The following DPYD variants were observed in gnomAD, a reference collection of about 807,000 sequenced individuals.
The protein encoded by DPYD is dihydropyrimidine dehydrogenase.
DPYD carries 109 observed loss-of-function variants against 116.2 expected under a neutral mutation model. The observed-to-expected ratio is 0.94, with a 90% CI of 0.80 to 1.10. DPYD has a LOEUF of 1.10. DPYD is among the 50% of genes least tolerant of loss of function. The pLI, the probability that DPYD is intolerant of heterozygous loss-of-function variation, is 0.00. For missense variants in DPYD, 1,302 were observed against 1,254.5 expected, an observed-to-expected ratio of 1.04 and a Z score of -0.57; for synonymous variants, 440 against 432.0, an observed-to-expected ratio of 1.02 and a Z score of -0.23.
At chr1:97,610,967 T>TTG (rs913526977) in intron 8 of DPYD, among the ~76,000 whole-genome samples, 4 of 150,322 alleles carry the variant, frequency 2.7e-5, no homozygotes, top group East Asian at 3.9e-4. Context: ...ATCGGTGTGT[T>TTG]TGTGTGTGTG....
chr1:97,250,181 A>C (rs916340698), intron 18 of DPYD, among the ~76,000 whole-genome samples: 2 of 152,180 alleles, frequency 1.3e-5, no homozygotes, highest in African/African-American at 4.8e-5. Context: ...GAGGCAGGAG[A>C]ATCGCGTGAA....
chr1:97,302,733 A>G (rs1338981004), intron 18 of DPYD, among the ~76,000 whole-genome samples: 2 of 152,018 alleles, frequency 1.3e-5, no homozygotes, highest in East Asian at 3.9e-4. Flanking sequence ...AGTGTATATT[A>G]TGTGTATAAC....
intron 20 of DPYD, among the ~76,000 whole-genome samples, chr1:97,131,312 A>C (rs2101669769): frequency 6.6e-6 from 1 of 152,310 alleles, no homozygotes; most frequent in South Asian, 2.1e-4. Context: ...AAAGTGAGGT[A>C]ATGTGTGGTA....
At chr1:97,096,293 A>T (rs1350406495) in intron 21 of DPYD, among the ~76,000 whole-genome samples, 6 of 152,102 alleles carry the variant, frequency 3.9e-5, no homozygotes, top group African/African-American at 1.4e-4. Context: ...TTAATATACA[A>T]TCTCTGAAAG....
chr1:97,161,775 T>C (rs1214732726), intron 20 of DPYD, among the ~76,000 whole-genome samples: 1 of 132,034 alleles, frequency 7.6e-6, no homozygotes, highest in Non-Finnish European at 1.6e-5. Flanking sequence ...CCTGTGTCCA[T>C]GTGTTCTCAT....
chr1:97,668,855 A>C (rs545865923), intron 8 of DPYD, among the ~76,000 whole-genome samples: 1 of 152,122 alleles, frequency 6.6e-6, no homozygotes, highest in South Asian at 2.1e-4. Context: ...TTTTAAAAAA[A>C]GGAAAGAATA....
intron 3 of DPYD, among the ~76,000 whole-genome samples, chr1:97,752,396 T>C (rs953529305): frequency 5.3e-5 from 8 of 152,164 alleles, no homozygotes; most frequent in Non-Finnish European, 1.0e-4. Context: ...TAAATCTATG[T>C]TGATTACGCC....
chr1:97,149,393 C>A (rs1654857279), intron 20 of DPYD, among the ~76,000 whole-genome samples: 1 of 152,154 alleles, frequency 6.6e-6, no homozygotes, highest in African/African-American at 2.4e-5. Flanking sequence ...GCTGGGATTA[C>A]AGGCATGCAC....
intron 13 of DPYD, 53 bp from the exon 14 acceptor site, chr1:97,450,276 T>C: frequency 6.3e-7 from 1 of 1,588,982 alleles, no homozygotes; most frequent in East Asian, 2.2e-5. Flanking sequence ...AAAGCTATAA[T>C]CTTTATTATC....
chr1:97,234,774 T>G (rs896462750), intron 19 of DPYD, 78 bp downstream of exon 19: 84 of 1,210,884 alleles, frequency 6.9e-5, no homozygotes, highest in Non-Finnish European at 9.1e-5. Context: ...AACGAATCTA[T>G]TTTTTTTTTG....
At chr1:97,841,099 T>C (rs183299628) in intron 2 of DPYD, among the ~76,000 whole-genome samples, 66 of 152,266 alleles carry the variant, frequency 4.3e-4, no homozygotes, top group South Asian at 3.1e-3. Flanking sequence ...TTGGGCATGA[T>C]TCATTTTTTA....
intron 5 of DPYD, among the ~76,000 whole-genome samples, chr1:97,713,541 T>G (rs2101007148): frequency 6.6e-6 from 1 of 152,250 alleles, no homozygotes; most frequent in South Asian, 2.1e-4. Context: ...TTTAATAGAT[T>G]TCTAAAGATT....
intron 13 of DPYD, among the ~76,000 whole-genome samples, chr1:97,492,507 CA>C (rs1380539334): frequency 6.6e-6 from 1 of 152,110 alleles, no homozygotes; most frequent in African/African-American, 2.4e-5. Context: ...TGCTTTATTA[CA>C]GTAAACTAGC....
intron 3 of DPYD, among the ~76,000 whole-genome samples, chr1:97,754,028 T>A (rs76846966): frequency 0.038 from 5,746 of 152,212 alleles, 162 homozygotes; most frequent in Middle Eastern, 0.068. Context: ...AGACATGACT[T>A]TTGTTCTTAG....
chr1:97,278,053 ACT>A (rs1665069078), intron 18 of DPYD, among the ~76,000 whole-genome samples: 1 of 152,214 alleles, frequency 6.6e-6, no homozygotes, highest in Admixed American at 6.5e-5. Context: ...TATGTGACTA[ACT>A]CTGACTAATG....
At chr1:97,695,718 T>C (rs764169440) in intron 6 of DPYD, among the ~76,000 whole-genome samples, 1 of 151,970 alleles carries the variant, frequency 6.6e-6, no homozygotes, top group Non-Finnish European at 1.5e-5. Flanking sequence ...GGAGGAGTTG[T>C]TGAAAGATTT....
chr1:97,120,377 A>T (rs1255721895), intron 20 of DPYD, among the ~76,000 whole-genome samples: 3 of 152,204 alleles, frequency 2.0e-5, no homozygotes, highest in African/African-American at 7.2e-5. Context: ...CGCCTTTGCC[A>T]CCCATGGGCC....
At chr1:97,348,323 C>T (rs557364474) in intron 16 of DPYD, among the ~76,000 whole-genome samples, 23 of 152,212 alleles carry the variant, frequency 1.5e-4, no homozygotes, top group African/African-American at 3.1e-4. Flanking sequence ...GCTGTCGAAT[C>T]GTAATTTGAA....
At chr1:97,188,303 A>G (rs917696534) in intron 20 of DPYD, among the ~76,000 whole-genome samples, 1 of 152,150 alleles carries the variant, frequency 6.6e-6, no homozygotes, top group Non-Finnish European at 1.5e-5. Flanking sequence ...CTGAAAGTAC[A>G]GTAATTTGGC....
Sources: allele counts gnomAD v4.1 joint callset (sites outside exome capture counted in the v4.1 genomes callset), GRCh38; gene constraint gnomAD v4.1.1; transcripts MANE v1.5; gene names NCBI Gene and HGNC (gene_info 2026-07-23, HGNC 2026-07-21).